CHRDL1: variants seen among roughly 807,000 people sequenced by gnomAD.
The protein encoded by CHRDL1 is chordin like 1.
A neutral mutation model predicts 40.9 loss-of-function variants in CHRDL1; 19 were observed. That is an observed-to-expected ratio of 0.46 (90% confidence interval 0.32 to 0.68). The LOEUF is 0.68. Among genes scored for constraint, CHRDL1 ranks in the 30% least tolerant of loss-of-function variants. The pLI is 0.03. For synonymous variants in CHRDL1, 136 were observed against 123.4 expected (o/e 1.10, Z -0.68); for missense variants, 329 against 352.1 (o/e 0.93, Z 0.53).
At chrX:110,677,152 T>C (rs1891793976) in intron 11 of CHRDL1, among the ~76,000 whole-genome samples, 1 of 111,430 alleles carries the variant, frequency 9.0e-6, no homozygotes, top group African/African-American at 3.3e-5. Flanking sequence ...AAACCTGTCT[T>C]GAACCTCTTT....
intron 2 of CHRDL1, among the ~76,000 whole-genome samples, chrX:110,772,963 G>A (rs1163337027): frequency 8.9e-6 from 1 of 112,317 alleles, no homozygotes; most frequent in Non-Finnish European, 1.9e-5. Context: ...AGAACAAACA[G>A]GAGAATATCT....
intron 10 of CHRDL1, 82 bp downstream of exon 10, chrX:110,681,400 G>A: frequency 1.1e-6 from 1 of 878,742 alleles, no homozygotes; most frequent in Non-Finnish European, 1.6e-6. Context: ...GAGGGAACAG[G>A]TTGAAGCAAA....
chrX:110,748,719 CA>C (rs1484764860), intron 4 of CHRDL1, among the ~76,000 whole-genome samples: 1 of 111,801 alleles, frequency 8.9e-6, no homozygotes, highest in Non-Finnish European at 1.9e-5. Context: ...TTATGCTAAG[CA>C]AAAAAAGCCC....
chrX:110,691,921 A>ACCTCTTT (rs977466596), intron 8 of CHRDL1, among the ~76,000 whole-genome samples: 3 of 105,268 alleles, frequency 2.8e-5, no homozygotes, highest in Non-Finnish European at 3.9e-5. Context: ...TCCTGCCCTT[A>ACCTCTTT]CCTCTTTTTT....
chrX:110,781,165 C>A (rs1288325495), intron 2 of CHRDL1, among the ~76,000 whole-genome samples: 1 of 111,487 alleles, frequency 9.0e-6, no homozygotes, highest in African/African-American at 3.3e-5. Flanking sequence ...GCATCTTTCT[C>A]TACCATTTCG....
intron 4 of CHRDL1, among the ~76,000 whole-genome samples, chrX:110,745,395 A>C (rs2071433913): frequency 1.8e-5 from 2 of 111,875 alleles, no homozygotes; most frequent in African/African-American, 6.5e-5. Flanking sequence ...CACAGGATGT[A>C]CAAGGTCCTT....
intron 6 of CHRDL1, among the ~76,000 whole-genome samples, chrX:110,705,376 CACACAG>C: frequency 9.7e-4 from 1 of 1,031 alleles, no homozygotes; most frequent in Non-Finnish European, 2.4e-3. Context: ...TATATATATA[CACACAG>C]ACACATATAT....
chrX:110,687,632 A>C (rs1298600693), intron 9 of CHRDL1, among the ~76,000 whole-genome samples: 1 of 111,830 alleles, frequency 8.9e-6, no homozygotes, highest in African/African-American at 3.3e-5. Context: ...GGATTGACTA[A>C]ATCATCGACT....
chrX:110,765,303 C>T (rs1298104757), intron 2 of CHRDL1, among the ~76,000 whole-genome samples: 2 of 112,037 alleles, frequency 1.8e-5, no homozygotes, highest in African/African-American at 6.5e-5. Flanking sequence ...TACTCTTTCT[C>T]TTTATTTCTT....
intron 10 of CHRDL1, among the ~76,000 whole-genome samples, chrX:110,680,622 C>T (rs745496176): frequency 5.8e-4 from 65 of 111,905 alleles, no homozygotes; most frequent in Middle Eastern, 4.6e-3. Context: ...AAAACCAGCT[C>T]CCTGTGTAAT....
At chrX:110,780,614 G>T (rs923749546) in intron 2 of CHRDL1, among the ~76,000 whole-genome samples, 1 of 111,173 alleles carries the variant, frequency 9.0e-6, no homozygotes, top group Non-Finnish European at 1.9e-5. Flanking sequence ...CAAAATCTTA[G>T]AAGTAGATTT....
chrX:110,771,591 A>G (rs1363863617), intron 2 of CHRDL1, among the ~76,000 whole-genome samples: 1 of 112,497 alleles, frequency 8.9e-6, no homozygotes, highest in Non-Finnish European at 1.9e-5. Flanking sequence ...TCATGTAATC[A>G]TTGCCACAGA....
At chrX:110,783,931 A>G (rs2089980348) in intron 2 of CHRDL1, among the ~76,000 whole-genome samples, 1 of 112,213 alleles carries the variant, frequency 8.9e-6, no homozygotes, top group South Asian at 3.7e-4. Flanking sequence ...GATAAGCGCT[A>G]TTACTGTAGA....
intron 4 of CHRDL1, among the ~76,000 whole-genome samples, chrX:110,746,060 G>A (rs757392766): frequency 1.1e-4 from 12 of 111,768 alleles, no homozygotes; most frequent in Non-Finnish European, 2.1e-4. Flanking sequence ...TTACTGTGAC[G>A]AACAAAACAG....
At chrX:110,708,699 G>A (rs1414694529) in intron 6 of CHRDL1, among the ~76,000 whole-genome samples, 1 of 111,600 alleles carries the variant, frequency 9.0e-6, no homozygotes, top group East Asian at 2.8e-4. Context: ...AGTGCATTGT[G>A]AGAATGCATG....
chrX:110,740,503 T>C (rs995177297), intron 4 of CHRDL1, among the ~76,000 whole-genome samples: 11 of 112,575 alleles, frequency 9.8e-5, no homozygotes, highest in Non-Finnish European at 1.5e-4. Context: ...CTGTTGGTGA[T>C]AATGACAGGC....
In CHRDL1 at chrX:110,678,955, A is replaced by C. The variant is rs139725970; in HGVS notation, c.1246+381T>G. Among the ~76,000 whole-genome samples the C allele has an allele frequency of 6.8e-3, 761 of 111,444 alleles. 2 individuals are homozygous for C. The highest frequency in any genetic ancestry group is 0.024 in the African/African-American group (731 of 30,674). On this transcript the variant is annotated intron_variant, in intron 11 of 11. Transcript: ENST00000372042. The stretch of plus-strand genomic sequence containing the variant: ...TGCCTTTAATTTCTCTTTGCCTCTC[A>C]TACCCACCACCAGAGGATACACCCT...
chrX:110,727,799 T>C (rs2071084534), intron 4 of CHRDL1, among the ~76,000 whole-genome samples: 2 of 112,263 alleles, frequency 1.8e-5, no homozygotes, highest in Admixed American at 9.5e-5. Context: ...CATTTAAAAA[T>C]ACATATATAT....
intron 6 of CHRDL1, among the ~76,000 whole-genome samples, chrX:110,705,169 C>T (rs1240567630): frequency 9.4e-6 from 1 of 106,672 alleles, no homozygotes; most frequent in Non-Finnish European, 1.9e-5. Context: ...GAGAAGAATA[C>T]TAATACCCTG....
Sources: gnomAD v4.1 joint callset for allele counts (sites outside exome capture counted in the v4.1 genomes callset) on GRCh38, gnomAD v4.1.1 for gene constraint, MANE v1.5 for transcripts, NCBI Gene and HGNC (gene_info 2026-07-23, HGNC 2026-07-21) for gene names.